Variants in SCNN1A observed in about 807,000 individuals in gnomAD.
The protein encoded by SCNN1A is sodium channel epithelial 1 subunit alpha.
In SCNN1A, 65 loss-of-function variants were observed where a neutral mutation model predicts 68.6. The observed-to-expected ratio is 0.95, with a 90% CI of 0.78 to 1.16. The LOEUF (loss-of-function observed/expected upper bound fraction) is 1.16, where lower values mean the gene tolerates loss of function less well. Ranked by LOEUF, SCNN1A falls within the 50% of genes most tolerant of loss-of-function variation. The probability of loss-of-function intolerance (pLI) is 0.00; values close to 1 mark genes in which losing one functional copy is unlikely to be tolerated. For synonymous variants in SCNN1A, 357 were observed against 353.3 expected (o/e 1.01, Z -0.12); for missense variants, 880 against 865.9 (o/e 1.02, Z -0.20).
In SCNN1A at chr12:6,375,053, C is replaced by T. The variant is rs72645128; in HGVS notation, c.-54-216G>A. 2.3e-3 allele frequency: 3,458 copies of T among 1,534,354 alleles called. 43 individuals are homozygous for T. In the African/African-American group the frequency reaches 0.032, roughly 14 times the overall value. On this transcript the variant is annotated intron_variant, in intron 1 of 12. Coordinates refer to ENST00000228916, the MANE Select transcript of SCNN1A (RefSeq NM_001038.6). Reference sequence around the variant, plus strand: ...CTGCGGGAGTTGGGGCCAAAAGTGCCGGAGCTGGGCTTCCCTAGAACGGCC... The same window carrying T: ...CTGCGGGAGTTGGGGCCAAAAGTGCTGGAGCTGGGCTTCCCTAGAACGGCC...
In SCNN1A at chr12:6,355,661, T is replaced by C. The variant is rs72657584; in HGVS notation, c.979+116A>G. The C allele has an allele frequency of 3.0e-3, 2,751 of 918,184 alleles. 12 individuals are homozygous for C. Among genetic ancestry groups the C allele is most frequent in the Non-Finnish European group, 3.6e-3 (1,990 of 546,734 alleles). 56.9% of individuals were successfully genotyped at this position (918,184 alleles called of 1,614,324 possible). A position where few individuals can be genotyped will look rare whatever the true frequency, so the allele number is the denominator to read the frequency against. Reference sequence around the variant, plus strand: ...CCTGGAACGGACTATGTGGCACCTATTGGGGAGAGACAGCAGGCAGGACCC... The same window carrying C: ...CCTGGAACGGACTATGTGGCACCTACTGGGGAGAGACAGCAGGCAGGACCC... On this transcript the variant is annotated intron_variant, in intron 5 of 12. Transcript: ENST00000228916.
intron 8 of SCNN1A, among the ~76,000 whole-genome samples, chr12:6,353,484 T>C (rs1163807673): frequency 6.6e-6 from 1 of 152,288 alleles, no homozygotes; most frequent in African/African-American, 2.4e-5. Flanking sequence ...GGGCAGAGCA[T>C]GCACTGAAAC....
chr12:6,357,229 G>A (rs1192288022), intron 4 of SCNN1A, among the ~76,000 whole-genome samples: 2 of 152,122 alleles, frequency 1.3e-5, no homozygotes, highest in African/African-American at 2.4e-5. Context: ...GCAGGCACAA[G>A]TTCCATCAGC....
At position 6,348,721 on chromosome 12, in the gene SCNN1A, A is replaced by AC. The variant is rs751610908; in HGVS notation, c.1629+5dup. 6.2e-7 allele frequency: 1 copy of AC among 1,611,650 alleles called. No homozygotes were observed. Among genetic ancestry groups the AC allele is most frequent in the African/African-American group, 1.3e-5 (1 of 74,596 alleles). On this transcript the variant is annotated splice_donor_region_variant and intron_variant, in intron 12 of 12. Transcript: ENST00000228916. The stretch of plus-strand genomic sequence containing the variant: ...GCATCACAGGCTCCATCCAGGCACG[A>AC]CCTACCGTGACAGAGGGAGACTCAG...
intron 2 of SCNN1A, among the ~76,000 whole-genome samples, chr12:6,365,312 C>A (rs1023288756): frequency 7.2e-5 from 11 of 152,310 alleles, no homozygotes; most frequent in African/African-American, 2.6e-4. Context: ...CCACTCACTG[C>A]ACCCGGCCCC....
Position 6,348,114 on chromosome 12 carries a change from C to T in SCNN1A, c.1769G>A (p.Ser590Asn). Reference protein sequence around the residue: ...MFLMLLRRFRSRYWSPGRGGR... With the variant: ...MFLMLLRRFRNRYWSPGRGGR... ...CCCTCGGCCTGGAGACCAGTATCGG[C>T]TTCGGAACCTTCGGAGCAGCATGAG... The change falls in exon 13 of 13, where the codon AGC becomes AAC. Residue 590 changes from serine to asparagine, a missense_variant. Transcript: ENST00000228916. 6.2e-7 allele frequency: 1 copy of T among 1,614,184 alleles called. No homozygotes were observed.
At chr12:6,363,300 T>G (rs1948612233) in intron 3 of SCNN1A, 143 bp downstream of exon 3, 1 of 579,490 alleles carries the variant, frequency 1.7e-6, no homozygotes, top group Non-Finnish European at 2.8e-6. Context: ...TTATTTACTT[T>G]TTTTTTTGCC....
Position 6,374,850 on chromosome 12 carries a change from C to G in SCNN1A, c.-54-13G>C. ...CCAGCTTGTTCCCCTTCATGAGCCC[C>G]GGAGTGGATTGGGGAGAGCAAGGGT... On this transcript the variant is annotated splice_polypyrimidine_tract_variant and intron_variant, in intron 1 of 12. Transcript: ENST00000228916. This position sits in a 1 kb window ranked among gnomAD's most constrained non-coding sequence, Gnocchi z 6.2. 1 of 1,614,038 alleles carries G rather than the reference C, an allele frequency of 6.2e-7. No homozygotes were observed. The highest frequency in any genetic ancestry group is 8.5e-7 in the Non-Finnish European group (1 of 1,179,996).
In SCNN1A at chr12:6,374,794, A is replaced by T; in HGVS notation, c.-11T>A. 1 of 1,613,364 alleles carries T rather than the reference A, an allele frequency of 6.2e-7. No individual in the cohort carries two copies. The highest frequency in any genetic ancestry group is 1.7e-5 in the Admixed American group (1 of 59,978). On this transcript the variant is annotated 5_prime_UTR_variant, in exon 2 of 13. Transcript: ENST00000228916. This position sits in a 1 kb window ranked among gnomAD's most constrained non-coding sequence, Gnocchi z 6.2. ...CTTGTTCCCCTCCATGAGACCTGGTATGGGCTGCAGAGGTCTAGGGTCCTG... is the reference window on the plus strand; with the variant it reads ...CTTGTTCCCCTCCATGAGACCTGGTTTGGGCTGCAGAGGTCTAGGGTCCTG...
chr12:6,377,108 T>A, upstream of SCNN1A: 1 of 622,184 alleles, frequency 1.6e-6, no homozygotes, highest in Non-Finnish European at 2.8e-6. Flanking sequence ...GCAAGGAGTT[T>A]AGCAGGCAAA....
chr12:6,362,832 A>G (rs1235228838), intron 3 of SCNN1A, among the ~76,000 whole-genome samples: 1 of 138,586 alleles, frequency 7.2e-6, no homozygotes. Context: ...GGCTTGTGCC[A>G]CCACATGGGC....
intron 2 of SCNN1A, among the ~76,000 whole-genome samples, chr12:6,370,407 C>T (rs549600653): frequency 3.1e-4 from 47 of 152,270 alleles, no homozygotes; most frequent in African/African-American, 9.9e-4. Context: ...GTGTCCAGGA[C>T]GGAGCAGCAG....
Position 6,362,046 on chromosome 12 carries a change from C to G in SCNN1A, c.875+5G>C, listed in dbSNP as rs1948588865. 6.2e-7 allele frequency: 1 copy of G among 1,614,094 alleles called. No individual in the cohort carries two copies. Among genetic ancestry groups the G allele is most frequent in the Admixed American group, 1.7e-5 (1 of 60,032 alleles). ...AGAGCAAGGAGCCAGGCAGGACTGA[C>G]TCACGCCTGGTTGCAGGAGACCTGG... On this transcript the variant is annotated splice_donor_5th_base_variant and intron_variant, in intron 4 of 12. Coordinates refer to ENST00000228916, the MANE Select transcript of SCNN1A (RefSeq NM_001038.6).
At chr12:6,370,276 T>G (rs1374344904) in intron 2 of SCNN1A, among the ~76,000 whole-genome samples, 1 of 152,208 alleles carries the variant, frequency 6.6e-6, no homozygotes, top group African/African-American at 2.4e-5. Context: ...AACCCAGGCC[T>G]GTTCACTCCA....
chr12:6,376,256 C>A (rs1948906961), upstream of SCNN1A: 1 of 915,808 alleles, frequency 1.1e-6, no homozygotes. Flanking sequence ...CCTCGCCACC[C>A]CCTCCAACCT....
At chr12:6,363,843 T>A in intron 2 of SCNN1A, 133 bp from the exon 3 acceptor site, 3 of 786,358 alleles carry the variant, frequency 3.8e-6, no homozygotes, top group Non-Finnish European at 5.6e-6. Context: ...GCTGGGGTCG[T>A]CGTGGCGCCT....
Position 6,372,770 on chromosome 12 carries a change from G to A in SCNN1A, c.416+1598C>T, listed in dbSNP as rs952499716. 6.6e-6 allele frequency among the ~76,000 whole-genome samples: 1 copy of A among 152,212 alleles called. No homozygotes were observed. Among genetic ancestry groups the A allele is most frequent in the African/African-American group, 2.4e-5 (1 of 41,452 alleles). On this transcript the variant is annotated intron_variant, in intron 2 of 12. Coordinates refer to ENST00000228916, the MANE Select transcript of SCNN1A (RefSeq NM_001038.6). This position sits in a 1 kb window ranked among gnomAD's most constrained non-coding sequence, Gnocchi z 5.8. The stretch of plus-strand genomic sequence containing the variant: ...CTGCAGGCAGCAGGGGGAGAAAAAT[G>A]AGGCTAAGAGGAAGGACCCAAGAGA...
chr12:6,368,864 C>A (rs1258660710), intron 2 of SCNN1A, among the ~76,000 whole-genome samples: 2 of 152,190 alleles, frequency 1.3e-5, no homozygotes, highest in African/African-American at 4.8e-5. Flanking sequence ...GACTCTCAGT[C>A]TGAGTTCCTT....
chr12:6,359,896 G>C (rs529158499), intron 4 of SCNN1A, among the ~76,000 whole-genome samples: 14 of 149,274 alleles, frequency 9.4e-5, no homozygotes, highest in African/African-American at 3.2e-4. Flanking sequence ...TCAGCCTCCT[G>C]AGTAGCTGGG....
Sources: gnomAD v4.1 joint callset for allele counts (sites outside exome capture counted in the v4.1 genomes callset) on GRCh38, gnomAD v4.1.1 for gene constraint, Gnocchi (gnomAD v3.1) non-coding constraint, MANE v1.5 for transcripts, NCBI Gene and HGNC (gene_info 2026-07-23, HGNC 2026-07-21) for gene names.